NDRG4: variants seen among roughly 807,000 people sequenced by gnomAD.
The protein encoded by NDRG4 is protein NDRG4.
In NDRG4, 38 loss-of-function variants were observed where a neutral mutation model predicts 55.8. The ratio of observed to expected loss-of-function variants is 0.68; its 90% CI spans 0.53 to 0.89. The LOEUF is 0.89. Ranked by LOEUF, NDRG4 falls within the 40% of genes least tolerant of loss-of-function variation. NDRG4 has a pLI of 0.00. For synonymous variants in NDRG4, 190 were observed against 182.7 expected (o/e 1.04, Z -0.32); for missense variants, 455 against 468.6 (o/e 0.97, Z 0.27).
In NDRG4 at chr16:58,464,495, C is replaced by G. The variant is rs1029049987; in HGVS notation, c.-24+698C>G. On this transcript the variant is annotated intron_variant, in intron 1 of 15. Transcript: ENST00000258187. The surrounding 1 kb of genome is among the most constrained non-coding windows in gnomAD (Gnocchi z 4.8). ...ACCGCCCGCCTGCCCCGCAGCCGGC[C>G]GCCACTTTCCGAGTTGGAGCGGACT... is the stretch of plus-strand genomic sequence containing the variant. 1 of 1,305,606 alleles carries G rather than the reference C, an allele frequency of 7.7e-7. No homozygotes were observed. Among genetic ancestry groups the G allele is most frequent in the Non-Finnish European group, 9.7e-7 (1 of 1,025,714 alleles). 80.9% of individuals were successfully genotyped at this position (1,305,606 alleles called of 1,614,324 possible).
At chr16:58,481,529 A>G (rs1334834345) in intron 1 of NDRG4, among the ~76,000 whole-genome samples, 1 of 152,104 alleles carries the variant, frequency 6.6e-6, no homozygotes, top group African/African-American at 2.4e-5. Context: ...GGCTCAACCC[A>G]AGGAAAAAGC....
chr16:58,495,000 G>A, exon 3 of NDRG4: 2 of 1,613,516 alleles, frequency 1.2e-6, no homozygotes, highest in Non-Finnish European at 1.7e-6. Context: ...TGCAGACACA[G>A]ACTGGAAGGT....
At chr16:58,503,614 C>A in intron 1 of NDRG4, 184 bp from the exon 2 acceptor site, 1 of 1,180,176 alleles carries the variant, frequency 8.5e-7, no homozygotes, top group Non-Finnish European at 1.2e-6. Context: ...TACTGAACAG[C>A]CCTGAGAAGG....
chr16:58,510,638 CT>C lies in NDRG4; in HGVS notation c.866-6del. On this transcript the variant is annotated splice_polypyrimidine_tract_variant and splice_region_variant and intron_variant, in intron 13 of 14. Transcript: ENST00000570248. ...CGCCCCCTCTCCGGCTCTGTCTTCT[CT>C]CTTAGTTGCGTACTTGAAGGACCGA... 2 of 1,536,030 alleles carry C rather than the reference CT, an allele frequency of 1.3e-6. No homozygotes were observed. The highest frequency in any genetic ancestry group is 2.7e-5 in the African/African-American group (2 of 73,130).
intron 2 of NDRG4, among the ~76,000 whole-genome samples, chr16:58,494,605 T>C (rs955295015): frequency 6.6e-6 from 1 of 152,190 alleles, no homozygotes; most frequent in Non-Finnish European, 1.5e-5. Context: ...CACACGCTCC[T>C]CCACCAAGTA....
chr16:58,469,466 A>C (rs944721183), intron 1 of NDRG4, among the ~76,000 whole-genome samples: 1 of 152,220 alleles, frequency 6.6e-6, no homozygotes, highest in East Asian at 1.9e-4. Flanking sequence ...TAGCTTAAAA[A>C]TATGTGTGAT....
At position 58,506,452 on chromosome 16, in the gene NDRG4, G is replaced by A. The variant is rs148326437; in HGVS notation, c.438G>A (p.Trp146Ter). Reference sequence around the variant, plus strand: ...ACATCGACCCCAATGGCAAAGGCTGGATAGACTGGGCTGCCACCAAGGTGT... The same window carrying A: ...ACATCGACCCCAATGGCAAAGGCTGAATAGACTGGGCTGCCACCAAGGTGT... Reference protein sequence around the residue: ...LVNIDPNGKGWIDWAATKLSG... With the variant: ...LVNIDPNGKG Residue 146 changes from tryptophan to a stop codon, truncating the protein, a stop_gained, in exon 6 of 15, where the codon TGG (tryptophan) becomes TGA (stop). Transcript: ENST00000570248. LOFTEE classifies it high-confidence loss of function. The A allele has an allele frequency of 1.9e-6, 3 of 1,558,772 alleles. No homozygotes were observed. The highest frequency in any genetic ancestry group is 2.6e-6 in the Non-Finnish European group (3 of 1,146,268).
chr16:58,465,150 A>G (rs922926231), intron 1 of NDRG4: 1 of 1,275,060 alleles, frequency 7.8e-7, no homozygotes, highest in Non-Finnish European at 1.0e-6. Flanking sequence ...AGACCCAGAC[A>G]GGAGGAAAGG....
At chr16:58,479,852 G>A (rs2034184978) in intron 1 of NDRG4, among the ~76,000 whole-genome samples, 1 of 152,186 alleles carries the variant, frequency 6.6e-6, no homozygotes, top group East Asian at 1.9e-4. Flanking sequence ...CGGCCAGTGA[G>A]GCAGAGCAGA....
At chr16:58,466,555 A>G (rs780945381) in intron 1 of NDRG4, among the ~76,000 whole-genome samples, 2 of 152,130 alleles carry the variant, frequency 1.3e-5, no homozygotes, top group Non-Finnish European at 2.9e-5. Flanking sequence ...CGGGCTTTCT[A>G]AGTCCCTGGC....
At chr16:58,495,908 A>G (rs74019894), upstream of NDRG4, among the ~76,000 whole-genome samples, 1,056 of 152,298 alleles carry the variant, frequency 6.9e-3, 15 homozygotes, top group African/African-American at 0.025. Context: ...ATGGGAGCCC[A>G]GGAGGTGGGA....
At chr16:58,475,536 G>C (rs2033493175) in intron 1 of NDRG4, 2 of 445,094 alleles carry the variant, frequency 4.5e-6, no homozygotes, top group Admixed American at 4.9e-5. Flanking sequence ...GTTTAGATTA[G>C]CTTCAGCTGT....
intron 1 of NDRG4, among the ~76,000 whole-genome samples, chr16:58,479,847 A>C (rs953016237): frequency 6.6e-6 from 1 of 152,220 alleles, no homozygotes; most frequent in Non-Finnish European, 1.5e-5. Flanking sequence ...TCTGACGGCC[A>C]GTGAGGCAGA....
Position 58,464,982 on chromosome 16 carries a change from T to C in NDRG4, c.-24+1185T>C. The C allele has an allele frequency of 8.3e-7, 1 of 1,204,570 alleles. No individual in the cohort carries two copies. Among genetic ancestry groups the C allele is most frequent in the Non-Finnish European group, 1.1e-6 (1 of 946,890 alleles). 74.6% of individuals were successfully genotyped at this position (1,204,570 alleles called of 1,614,324 possible). On this transcript the variant is annotated intron_variant, in intron 1 of 15. Coordinates refer to the NDRG4 transcript ENST00000258187. The surrounding 1 kb of genome is among the most constrained non-coding windows in gnomAD (Gnocchi z 4.8). ...GACTGGGGACCCTCAGCCTTGGGGCTCCTCTGGAGAAGTGATCAGTTGCCC... is the reference window on the plus strand; with the variant it reads ...GACTGGGGACCCTCAGCCTTGGGGCCCCTCTGGAGAAGTGATCAGTTGCCC...
chr16:58,464,059 C>T lies in NDRG4; in HGVS notation c.-24+262C>T, dbSNP rs571096415. The T allele has an allele frequency of 1.1e-4, 23 of 209,020 alleles. No homozygotes were observed. In the South Asian group the frequency reaches 3.5e-3, roughly 32 times the overall value. 12.9% of individuals were successfully genotyped at this position (209,020 alleles called of 1,614,324 possible). ...GGGACCCCCAGCCGCCGTCCGCGAC[C>T]CCCCACCGCGACGCCCGGAGGCGGC... is the stretch of plus-strand genomic sequence containing the variant. On this transcript the variant is annotated intron_variant, in intron 1 of 15. Coordinates refer to the NDRG4 transcript ENST00000258187. The surrounding 1 kb of genome is among the most constrained non-coding windows in gnomAD (Gnocchi z 4.8).
At chr16:58,488,272 T>C (rs1261279358) in intron 2 of NDRG4, among the ~76,000 whole-genome samples, 2 of 152,094 alleles carry the variant, frequency 1.3e-5, no homozygotes, top group African/African-American at 4.8e-5. Flanking sequence ...CCCAAGCCTC[T>C]GCGGCACCTG....
At position 58,479,570 on chromosome 16, in the gene NDRG4, ATGAG is replaced by A. The variant is rs141872069; in HGVS notation, c.-23-8183_-23-8180del. On this transcript the variant is annotated intron_variant, in intron 1 of 15. Coordinates refer to the NDRG4 transcript ENST00000258187. ...AACCCACTGCCATCCAGCCAGCAGCATGAGTGTGTGCCCACTTTCCCAGAACCTC... is the reference window on the plus strand; with the variant it reads ...AACCCACTGCCATCCAGCCAGCAGCATGTGTGCCCACTTTCCCAGAACCTC... 5.0e-3 allele frequency among the ~76,000 whole-genome samples: 756 copies of A among 152,362 alleles called. 4 individuals carry two copies. Among genetic ancestry groups the A allele is most frequent in the African/African-American group, 0.017 (719 of 41,584 alleles).
rs765095249 is a variant in NDRG4 at position 58,510,680 on chromosome 16, G to A, written c.901G>A (p.Ala301Thr). 1 of 1,535,980 alleles carries A rather than the reference G, an allele frequency of 6.5e-7. No individual in the cohort carries two copies. Among genetic ancestry groups the A allele is most frequent in the South Asian group, 1.2e-5 (1 of 84,064 alleles). Residue 301 changes from alanine to threonine, a missense_variant, in exon 14 of 15, where the codon GCA (alanine) becomes ACA (threonine). Coordinates refer to ENST00000570248, the MANE Select transcript of NDRG4 (RefSeq NM_001242835.2). ...GAAGGACCGAAGGCTGAGTGGAGGA[G>A]CAGGTAGCCCCACGGCCCTTCCCCT... ...YLKDRRLSGG[A>T]VPSASMTRLA...
At chr16:58,483,950 G>T (rs968416345) in intron 1 of NDRG4, among the ~76,000 whole-genome samples, 1 of 152,068 alleles carries the variant, frequency 6.6e-6, no homozygotes, top group African/African-American at 2.4e-5. Flanking sequence ...CACACCTGTG[G>T]TCCCAGCTAC....
Sources: allele counts gnomAD v4.1 joint callset (sites outside exome capture counted in the v4.1 genomes callset), GRCh38; gene constraint gnomAD v4.1.1; non-coding constraint Gnocchi (gnomAD v3.1); transcripts MANE v1.5; gene names NCBI Gene and HGNC (gene_info 2026-07-23, HGNC 2026-07-21).